ITGA9: variants seen among roughly 807,000 people sequenced by gnomAD.
ITGA9 encodes integrin alpha-9.
In ITGA9, 56 loss-of-function variants were observed where a neutral mutation model predicts 127.8. The ratio of observed to expected loss-of-function variants is 0.44; its 90% CI spans 0.35 to 0.55. The LOEUF is 0.55. Among genes scored for constraint, ITGA9 ranks in the 20% least tolerant of loss-of-function variants. The pLI, the probability that ITGA9 is intolerant of heterozygous loss-of-function variation, is 0.00. For missense variants in ITGA9, 1,196 were observed against 1,347.1 expected (o/e 0.89, Z 1.76); for synonymous variants, 508 against 514.5 (o/e 0.99, Z 0.17).
Position 37,819,452 on chromosome 3 carries a change from G to A in ITGA9, c.*463G>A, listed in dbSNP as rs1459113231. The A allele has an allele frequency of 6.3e-6, 1 of 159,584 alleles. No homozygotes were observed. The highest frequency in any genetic ancestry group is 1.4e-5 in the Non-Finnish European group (1 of 72,038). The allele number at this position is 159,584 out of a possible 1,614,324, so 9.9% of individuals were successfully genotyped here. ...TCCATGAATACAAATTTTAAAGGAT[G>A]AAAATCTTACCGTACTTTGGAACTT... On this transcript the variant is annotated 3_prime_UTR_variant, in exon 28 of 28. Coordinates refer to ENST00000264741, the MANE Select transcript of ITGA9 (RefSeq NM_002207.3).
At chr3:37,808,649 G>A (rs188924550) in intron 27 of ITGA9, 2 of 152,190 alleles carry the variant, frequency 1.3e-5, no homozygotes, top group Admixed American at 6.5e-5. Flanking sequence ...AGGGTTTGGC[G>A]GGGTGATTCT....
At chr3:37,774,128 G>A (rs746995784) in intron 23 of ITGA9, among the ~76,000 whole-genome samples, 2 of 152,190 alleles carry the variant, frequency 1.3e-5, no homozygotes, top group African/African-American at 2.4e-5. Context: ...CACTTGCGTA[G>A]CACTGCAGCA....
intron 16 of ITGA9, among the ~76,000 whole-genome samples, chr3:37,635,033 AT>A (rs1280156959): frequency 6.6e-6 from 1 of 152,238 alleles, no homozygotes; most frequent in Non-Finnish European, 1.5e-5. Flanking sequence ...AAATTTAAGA[AT>A]TTCTTAAGAC....
At chr3:37,511,460 A>G (rs946216654) in intron 8 of ITGA9, among the ~76,000 whole-genome samples, 1 of 152,258 alleles carries the variant, frequency 6.6e-6, no homozygotes, top group Non-Finnish European at 1.5e-5. Flanking sequence ...AGAGATTTCT[A>G]ATTTAACATT....
chr3:37,708,670 T>G, intron 18 of ITGA9, among the ~76,000 whole-genome samples: 4 of 152,306 alleles, frequency 2.6e-5, no homozygotes, highest in African/African-American at 4.8e-5. Flanking sequence ...ACAGGACAGC[T>G]CCCCATACAA....
At chr3:37,747,554 C>T (rs1696517592) in intron 22 of ITGA9, among the ~76,000 whole-genome samples, 1 of 134,810 alleles carries the variant, frequency 7.4e-6, no homozygotes, top group African/African-American at 2.8e-5. Flanking sequence ...CCCCCATTAT[C>T]CTTCCCAGCC....
chr3:37,601,604 A>C (rs1296400266), intron 15 of ITGA9, among the ~76,000 whole-genome samples: 1 of 152,238 alleles, frequency 6.6e-6, no homozygotes, highest in East Asian at 1.9e-4. Flanking sequence ...GAATTCCAGA[A>C]AGAATATTGA....
intron 8 of ITGA9, among the ~76,000 whole-genome samples, chr3:37,512,638 C>T (rs967473453): frequency 3.9e-5 from 6 of 152,086 alleles, no homozygotes; most frequent in Admixed American, 3.3e-4. Context: ...GAAGAAGTTG[C>T]GAGCATTTAA....
chr3:37,739,698 C>A (rs185738829), intron 20 of ITGA9, among the ~76,000 whole-genome samples: 1 of 152,200 alleles, frequency 6.6e-6, no homozygotes, highest in African/African-American at 2.4e-5. Flanking sequence ...TGATGTTTGA[C>A]GTCTTTATCT....
At chr3:37,571,192 C>T (rs1005111587) in intron 15 of ITGA9, among the ~76,000 whole-genome samples, 8 of 151,718 alleles carry the variant, frequency 5.3e-5, no homozygotes, top group African/African-American at 1.9e-4. Flanking sequence ...CAACTCAGGG[C>T]AGGGAGATCT....
chr3:37,532,905 T>A (rs576528893), intron 13 of ITGA9, among the ~76,000 whole-genome samples: 48 of 152,204 alleles, frequency 3.2e-4, no homozygotes, highest in Admixed American at 7.9e-4. Flanking sequence ...CTTGAGGGAA[T>A]CCCTGAGTAT....
At chr3:37,456,692 C>T (rs887233924) in intron 1 of ITGA9, among the ~76,000 whole-genome samples, 2 of 152,174 alleles carry the variant, frequency 1.3e-5, no homozygotes, top group Non-Finnish European at 2.9e-5. Context: ...ATGTGCTGGG[C>T]TTTTTGCTTT....
chr3:37,752,050 T>C (rs1037429246), intron 23 of ITGA9, among the ~76,000 whole-genome samples: 7 of 152,100 alleles, frequency 4.6e-5, no homozygotes, highest in Non-Finnish European at 8.8e-5. Flanking sequence ...TAAAAGCGAG[T>C]GCATGAGGTG....
chr3:37,647,546 G>A (rs1313948537), intron 16 of ITGA9, among the ~76,000 whole-genome samples: 3 of 149,864 alleles, frequency 2.0e-5, no homozygotes, highest in African/African-American at 4.9e-5. Context: ...TAGTCATCAC[G>A]CTATACATTC....
At chr3:37,568,392 C>A (rs1356808284) in intron 15 of ITGA9, among the ~76,000 whole-genome samples, 1 of 152,212 alleles carries the variant, frequency 6.6e-6, no homozygotes, top group East Asian at 1.9e-4. Flanking sequence ...TTCTGACATC[C>A]CCTGGAGACA....
intron 17 of ITGA9, 143 bp downstream of exon 17, chr3:37,653,933 A>T: frequency 1.5e-6 from 1 of 680,556 alleles, no homozygotes; most frequent in African/African-American, 1.8e-5. Flanking sequence ...TTTTAAAAAA[A>T]TGTATGTTAC....
rs201486058 is a variant in ITGA9 at position 37,523,621 on chromosome 3, T to G, written c.1327+10T>G. The G allele has an allele frequency of 6.9e-6, 11 of 1,595,920 alleles. No individual in the cohort carries two copies. The East Asian group carries it at 2.5e-4, about 36-fold the overall frequency. On this transcript the variant is annotated intron_variant, in intron 12 of 27. Coordinates refer to ENST00000264741, the MANE Select transcript of ITGA9 (RefSeq NM_002207.3). ...GGAAATGGCTATCCTGGTAAGCTGT[T>G]TTTCTTTAAAGGCACATGAGATAAA...
At position 37,560,058 on chromosome 3, in the gene ITGA9, C is replaced by G. The variant is rs542437938; in HGVS notation, c.1689+17473C>G. Among the ~76,000 whole-genome samples, 3 of 152,294 alleles carry G rather than the reference C, an allele frequency of 2.0e-5. 1 individual carries two copies. Among genetic ancestry groups the G allele is most frequent in the African/African-American group, 7.2e-5 (3 of 41,548 alleles). On this transcript the variant is annotated intron_variant, in intron 15 of 27. Coordinates refer to ENST00000264741, the MANE Select transcript of ITGA9 (RefSeq NM_002207.3). ...TGTTGGCTTGCTGCAGCCATCAACT[C>G]ATCATTTACATTAGGTATTTCTCCT...
chr3:37,710,442 G>A (rs943224544), intron 18 of ITGA9, among the ~76,000 whole-genome samples: 6 of 151,976 alleles, frequency 3.9e-5, no homozygotes, highest in Admixed American at 2.0e-4. Flanking sequence ...AAAAGATAAC[G>A]TCGGAGGATG....
Sources: gnomAD v4.1 joint callset for allele counts (sites outside exome capture counted in the v4.1 genomes callset) on GRCh38, gnomAD v4.1.1 for gene constraint, MANE v1.5 for transcripts, NCBI Gene and HGNC (gene_info 2026-07-23, HGNC 2026-07-21) for gene names.